The following C10orf90 variants were observed in gnomAD, a reference collection of about 807,000 sequenced individuals.
The protein encoded by C10orf90 is (E2-independent) E3 ubiquitin-conjugating enzyme FATS.
Under a neutral mutation model 62.5 loss-of-function variants are expected in C10orf90, and 56 were observed. The ratio of observed to expected loss-of-function variants is 0.90; its 90% CI spans 0.72 to 1.12. C10orf90 has a LOEUF of 1.12. Among genes scored for constraint, C10orf90 ranks in the 50% most tolerant of loss-of-function variants. The pLI is 0.00. For synonymous variants in C10orf90, 386 were observed against 340.4 expected (o/e 1.13, Z -1.47); for missense variants, 970 against 880.4 (o/e 1.10, Z -1.29).
chr10:126,647,987 G>C (rs1048195722), intron 1 of C10orf90, among the ~76,000 whole-genome samples: 3 of 152,198 alleles, frequency 2.0e-5, no homozygotes, highest in African/African-American at 7.2e-5. Flanking sequence ...TGGTCTAAAT[G>C]TGTCCCCCAA....
intron 2 of C10orf90, among the ~76,000 whole-genome samples, chr10:126,610,641 G>T (rs1845412019): frequency 1.3e-5 from 2 of 152,260 alleles, no homozygotes; most frequent in South Asian, 4.2e-4. Flanking sequence ...ATATTCATTG[G>T]ATGAATAAAT....
intron 2 of C10orf90, among the ~76,000 whole-genome samples, chr10:126,548,725 T>C (rs901354356): frequency 6.6e-6 from 1 of 150,678 alleles, no homozygotes; most frequent in Admixed American, 6.6e-5. Flanking sequence ...TTCTACGGGA[T>C]TGCAAAATTT....
intron 2 of C10orf90, among the ~76,000 whole-genome samples, chr10:126,560,267 T>A (rs1591097914): frequency 6.6e-6 from 1 of 152,084 alleles, no homozygotes; most frequent in Non-Finnish European, 1.5e-5. Context: ...GTGATCCGAG[T>A]CTTCATTTTT....
In C10orf90 at chr10:126,589,096, G is replaced by A. The variant is rs1844930689; in HGVS notation, c.313+57469C>T. 2.0e-5 allele frequency among the ~76,000 whole-genome samples: 3 copies of A among 152,134 alleles called. No homozygotes were observed. In the South Asian group the frequency reaches 6.2e-4, roughly 31 times the overall value. On this transcript the variant is annotated intron_variant, in intron 2 of 9. Transcript: ENST00000488181. ...CAATAGCAGAATAGACCAAGTGGAG[G>A]AAAGAATCTCAGAGCTTGAAGACTG...
chr10:126,444,343 T>C (rs1321444695), intron 7 of C10orf90, among the ~76,000 whole-genome samples: 1 of 152,098 alleles, frequency 6.6e-6, no homozygotes, highest in Non-Finnish European at 1.5e-5. Context: ...ACAAGATTAA[T>C]GTACACAAAT....
chr10:126,519,068 C>T (rs980605599), intron 2 of C10orf90, among the ~76,000 whole-genome samples: 17 of 152,210 alleles, frequency 1.1e-4, no homozygotes, highest in Non-Finnish European at 1.5e-4. Flanking sequence ...TGATAAGCCA[C>T]GGACAGAGCC....
chr10:126,543,806 C>T (rs1032928356), intron 2 of C10orf90, among the ~76,000 whole-genome samples: 1 of 152,158 alleles, frequency 6.6e-6, no homozygotes, highest in Non-Finnish European at 1.5e-5. Flanking sequence ...CAAGAAAATG[C>T]TTTCTCAAAA....
Position 126,456,029 on chromosome 10 carries a change from C to T in C10orf90, c.2188+3011G>A, listed in dbSNP as rs117631423. ...CCGATCAGAGGCAGCTACCCCAGCA[C>T]CAAAAGCAAATAGGAGTCTTCTTTT... is the stretch of plus-strand genomic sequence containing the variant. On this transcript the variant is annotated intron_variant, in intron 7 of 9. Coordinates refer to ENST00000488181, the MANE Select transcript of C10orf90 (RefSeq NM_001350921.2). This position sits in a 1 kb window ranked among gnomAD's most constrained non-coding sequence, Gnocchi z 4.9. Among the ~76,000 whole-genome samples the T allele has an allele frequency of 7.7e-4, 118 of 152,356 alleles. 2 individuals carry two copies. The East Asian group carries it at 0.022, about 28-fold the overall frequency.
chr10:126,615,151 G>A (rs537326245), intron 2 of C10orf90, among the ~76,000 whole-genome samples: 3 of 152,188 alleles, frequency 2.0e-5, no homozygotes, highest in Non-Finnish European at 4.4e-5. Flanking sequence ...AGAAATTAGA[G>A]AGGATGCGCC....
chr10:126,524,552 G>T, intron 2 of C10orf90: 2 of 854,642 alleles, frequency 2.3e-6, no homozygotes, highest in Non-Finnish European at 2.8e-6. Context: ...AGGTGCACTG[G>T]GAGAAGCTGA....
At chr10:126,426,420 G>A (rs552257344) in intron 8 of C10orf90, among the ~76,000 whole-genome samples, 19 of 152,288 alleles carry the variant, frequency 1.2e-4, no homozygotes, top group East Asian at 1.9e-4. Context: ...TGACTTAATC[G>A]TAAAATGAAG....
chr10:126,439,074 C>G (rs540211892), intron 7 of C10orf90, among the ~76,000 whole-genome samples: 1 of 152,132 alleles, frequency 6.6e-6, no homozygotes, highest in Non-Finnish European at 1.5e-5. Context: ...AGAGAAACCC[C>G]CTTGGCCATA....
chr10:126,589,974 G>A (rs1335724637), intron 2 of C10orf90, among the ~76,000 whole-genome samples: 1 of 152,044 alleles, frequency 6.6e-6, no homozygotes, highest in Non-Finnish European at 1.5e-5. Flanking sequence ...AACACACACA[G>A]GCTCAATTTA....
intron 4 of C10orf90, among the ~76,000 whole-genome samples, chr10:126,470,854 T>A (rs1174770656): frequency 6.8e-6 from 1 of 147,680 alleles, no homozygotes; most frequent in Non-Finnish European, 1.5e-5. Context: ...ACAAGACTGG[T>A]AGATATTTTC....
intron 4 of C10orf90, among the ~76,000 whole-genome samples, chr10:126,497,456 T>A (rs893029974): frequency 6.6e-6 from 1 of 152,234 alleles, no homozygotes; most frequent in African/African-American, 2.4e-5. Flanking sequence ...GCATCGCTTC[T>A]TCACCACGTT....
intron 2 of C10orf90, among the ~76,000 whole-genome samples, chr10:126,576,758 A>AATATGTATATGTACATATACATAT (rs1564879235): frequency 2.4e-4 from 18 of 75,786 alleles, no homozygotes; most frequent in African/African-American, 4.1e-4. Flanking sequence ...ACATATAGAT[A>AATATGTATATGTACATATACATAT]ATATGTATAT....
At chr10:126,602,020 C>G (rs997996101) in intron 2 of C10orf90, among the ~76,000 whole-genome samples, 9 of 152,236 alleles carry the variant, frequency 5.9e-5, no homozygotes, top group Non-Finnish European at 1.3e-4. Context: ...GATGGTCCAA[C>G]AGCCATCTTT....
At chr10:126,491,107 T>C (rs1213552385) in intron 4 of C10orf90, among the ~76,000 whole-genome samples, 1 of 152,228 alleles carries the variant, frequency 6.6e-6, no homozygotes, top group Non-Finnish European at 1.5e-5. Context: ...AGGATAAATT[T>C]TGCAAAATAT....
At chr10:126,515,505 C>A (rs935195814) in intron 2 of C10orf90, among the ~76,000 whole-genome samples, 1 of 152,160 alleles carries the variant, frequency 6.6e-6, no homozygotes, top group African/African-American at 2.4e-5. Flanking sequence ...CAGTATTCAG[C>A]ACAGTCACAC....
Sources: allele counts gnomAD v4.1 joint callset (sites outside exome capture counted in the v4.1 genomes callset), GRCh38; gene constraint gnomAD v4.1.1; non-coding constraint Gnocchi (gnomAD v3.1); transcripts MANE v1.5; gene names NCBI Gene and HGNC (gene_info 2026-07-23, HGNC 2026-07-21).